Variants in PRR23E observed in about 807,000 individuals in gnomAD.
PRR23E encodes the protein PRR23 family member E, also known as proline-rich protein 23E.
At chr3:127,196,813 C>T in the PRR23E span, 2 of 1,598,548 alleles carry the variant, frequency 1.3e-6, no homozygotes, top group East Asian at 2.2e-5. Context: ...GCCTATGGTT[C>T]CTGTACCTGC....
chr3:127,196,489 T>C, the PRR23E span: 1 of 820,198 alleles, frequency 1.2e-6, no homozygotes, highest in African/African-American at 1.7e-5. Context: ...GCCTTGATCT[T>C]GGCTCTTCTG....
the PRR23E span, among the ~76,000 whole-genome samples, chr3:127,193,475 A>G: frequency 5.3e-5 from 8 of 151,492 alleles, no homozygotes; most frequent in African/African-American, 1.5e-4. Context: ...ACCCCACCCT[A>G]TGAGACAGCT....
At chr3:127,197,484 T>G in the PRR23E span, 49 of 1,366,756 alleles carry the variant, frequency 3.6e-5, no homozygotes, top group East Asian at 9.5e-4. Flanking sequence ...AGCTGTGGAC[T>G]TTAAGTTTTT....
At chr3:127,197,346 G>T in the PRR23E span, 2 of 1,593,460 alleles carry the variant, frequency 1.3e-6, no homozygotes, top group South Asian at 1.1e-5. Flanking sequence ...TTCTCAGCTG[G>T]ACCCGGGCTG....
the PRR23E span, chr3:127,196,892 ACAAGCTTACC>A: frequency 6.3e-7 from 1 of 1,599,342 alleles, no homozygotes; most frequent in South Asian, 1.1e-5. Context: ...GATTTTCCCC[ACAAGCTTACC>A]CAGCCTTCTG....
chr3:127,195,095 G>T, the PRR23E span, among the ~76,000 whole-genome samples: 1 of 152,144 alleles, frequency 6.6e-6, no homozygotes, highest in Non-Finnish European at 1.5e-5. Context: ...GAGCACCACT[G>T]TCAGATCTCC....
the PRR23E span, chr3:127,196,896 G>A: frequency 6.3e-7 from 1 of 1,599,424 alleles, no homozygotes; most frequent in Non-Finnish European, 8.5e-7. Flanking sequence ...TTCCCCACAA[G>A]CTTACCCAGC....
At chr3:127,194,359 G>A in the PRR23E span, among the ~76,000 whole-genome samples, 2 of 152,094 alleles carry the variant, frequency 1.3e-5, no homozygotes, top group Non-Finnish European at 2.9e-5. Context: ...AAAAAATCCC[G>A]TAATGTTTTA....
At chr3:127,193,585 G>C in the PRR23E span, among the ~76,000 whole-genome samples, 1 of 152,114 alleles carries the variant, frequency 6.6e-6, no homozygotes, top group African/African-American at 2.4e-5. Context: ...ACCCGCTGCA[G>C]CTGCGAGGTG....
chr3:127,196,685 G>T, the PRR23E span: 1 of 1,586,532 alleles, frequency 6.3e-7, no homozygotes, highest in Non-Finnish European at 8.5e-7. Context: ...GCTCATCTAA[G>T]ATGGGCACAG....
chr3:127,195,927 A>T, the PRR23E span, among the ~76,000 whole-genome samples: 2 of 152,112 alleles, frequency 1.3e-5, no homozygotes, highest in African/African-American at 4.8e-5. Flanking sequence ...GGGCTACCTG[A>T]TGTGCCCTCT....
At chr3:127,196,790 G>A in the PRR23E span, 1 of 1,597,876 alleles carries the variant, frequency 6.3e-7, no homozygotes, top group Non-Finnish European at 8.5e-7. Flanking sequence ...CCCCCTGGGT[G>A]GCCATGGGCT....
chr3:127,197,418 G>A, the PRR23E span: 1 of 1,536,884 alleles, frequency 6.5e-7, no homozygotes, highest in Non-Finnish European at 8.7e-7. Context: ...GTGCTAATCA[G>A]CCCTCTAGAC....
the PRR23E span, chr3:127,197,545 C>T: frequency 1.6e-6 from 1 of 623,914 alleles, no homozygotes; most frequent in Non-Finnish European, 2.4e-6. Context: ...CAGAGTACAC[C>T]TCCTGGACTC....
chr3:127,195,178 C>T, the PRR23E span, among the ~76,000 whole-genome samples: 2 of 152,218 alleles, frequency 1.3e-5, no homozygotes, highest in Non-Finnish European at 2.9e-5. Flanking sequence ...AGCCCACACA[C>T]ACCTAACTAT....
At chr3:127,197,308 G>A in the PRR23E span, 12 of 1,598,148 alleles carry the variant, frequency 7.5e-6, no homozygotes, top group South Asian at 2.2e-5. Context: ...TCAGAGCTCC[G>A]CCCTCTGCCC....
chr3:127,197,269 G>C, the PRR23E span: 1 of 1,599,330 alleles, frequency 6.3e-7, no homozygotes. Context: ...TCCAGGTTCG[G>C]TATTTGGGCA....
the PRR23E span, among the ~76,000 whole-genome samples, chr3:127,195,191 G>A: frequency 6.6e-6 from 1 of 152,130 alleles, no homozygotes. Context: ...CTAACTATCC[G>A]GGAGTGGGTC....
chr3:127,193,969 G>A, the PRR23E span, among the ~76,000 whole-genome samples: 4 of 152,198 alleles, frequency 2.6e-5, no homozygotes, highest in South Asian at 2.1e-4. Flanking sequence ...TTTACCTGCC[G>A]TGGACTAGCA....
Sources: gnomAD v4.1 joint callset for allele counts (sites outside exome capture counted in the v4.1 genomes callset) on GRCh38, gnomAD v4.1.1 for gene constraint, MANE v1.5 for transcripts, NCBI Gene and HGNC (gene_info 2026-07-23, HGNC 2026-07-21) for gene names.